IMMP2L: variants seen among roughly 807,000 people sequenced by gnomAD.
IMMP2L encodes inner mitochondrial membrane peptidase subunit 2.
IMMP2L carries 18 observed loss-of-function variants against 19.3 expected under a neutral mutation model. The ratio of observed to expected loss-of-function variants is 0.93; its 90% CI spans 0.64 to 1.38. The LOEUF is 1.38. Ranked by LOEUF, IMMP2L falls within the 40% of genes most tolerant of loss-of-function variation. The pLI is 0.00. For synonymous variants in IMMP2L, 76 were observed against 73.0 expected, an observed-to-expected ratio of 1.04 and a Z score of -0.21; for missense variants, 233 against 218.2, an observed-to-expected ratio of 1.07 and a Z score of -0.43.
At chr7:111,025,143 T>G (rs1344717338) in intron 3 of IMMP2L, among the ~76,000 whole-genome samples, 1 of 152,142 alleles carries the variant, frequency 6.6e-6, no homozygotes. Flanking sequence ...ACTTCTTAGC[T>G]TCCAACACAG....
chr7:111,492,428 C>T lies in IMMP2L; in HGVS notation c.136-5087G>A, dbSNP rs1843188685. 5 of 980,884 alleles carry T rather than the reference C, an allele frequency of 5.1e-6. No homozygotes were observed. In the Admixed American group the frequency reaches 1.8e-4, roughly 36 times the overall value. 60.8% of individuals were successfully genotyped at this position (980,884 alleles called of 1,614,324 possible). On this transcript the variant is annotated intron_variant, in intron 2 of 5. Coordinates refer to ENST00000405709, the MANE Select transcript of IMMP2L (RefSeq NM_032549.4). ...CTTTGGATGCCTCATTATCAGACTT[C>T]CCCTCTGTCAAGAATGTTTTTTCCC...
intron 3 of IMMP2L, among the ~76,000 whole-genome samples, chr7:111,447,119 T>G (rs1212474212): frequency 4.7e-4 from 69 of 145,600 alleles, no homozygotes; most frequent in Admixed American, 2.7e-3. Context: ...TGGAACCAAG[T>G]TGGAAAACAC....
chr7:111,215,762 C>A (rs1308355960), intron 3 of IMMP2L, among the ~76,000 whole-genome samples: 1 of 152,084 alleles, frequency 6.6e-6, no homozygotes, highest in Non-Finnish European at 1.5e-5. Flanking sequence ...TACTTTCATT[C>A]TTTCTAATAT....
At chr7:111,373,792 C>A (rs1355977469) in intron 3 of IMMP2L, among the ~76,000 whole-genome samples, 1 of 151,924 alleles carries the variant, frequency 6.6e-6, no homozygotes, top group Admixed American at 6.6e-5. Context: ...ACTCATAAAT[C>A]CCACTCACTC....
chr7:110,766,643 A>T (rs543901138), intron 5 of IMMP2L, among the ~76,000 whole-genome samples: 1 of 151,112 alleles, frequency 6.6e-6, no homozygotes, highest in East Asian at 2.0e-4. Context: ...GGAAATTTTC[A>T]TGGTGGGAGT....
chr7:111,233,005 T>C (rs1039155627), intron 3 of IMMP2L, among the ~76,000 whole-genome samples: 2 of 152,102 alleles, frequency 1.3e-5, no homozygotes, highest in Non-Finnish European at 2.9e-5. Flanking sequence ...CAATTTCTGC[T>C]TTGCCAGGCT....
At chr7:111,088,353 A>G (rs1752417798) in intron 3 of IMMP2L, among the ~76,000 whole-genome samples, 1 of 152,182 alleles carries the variant, frequency 6.6e-6, no homozygotes, top group African/African-American at 2.4e-5. Flanking sequence ...CCCTGTAGAC[A>G]TTTCCTACAA....
intron 4 of IMMP2L, among the ~76,000 whole-genome samples, chr7:110,890,544 A>G (rs977568280): frequency 1.3e-5 from 2 of 152,186 alleles, no homozygotes; most frequent in African/African-American, 4.8e-5. Context: ...GAAATATAAT[A>G]CTCCTAATAG....
At position 111,149,801 on chromosome 7, in the gene IMMP2L, T is replaced by C. The variant is rs74819079; in HGVS notation, c.240-186236A>G. Among the ~76,000 whole-genome samples the C allele has an allele frequency of 5.3e-5, 8 of 152,306 alleles. No individual in the cohort carries two copies. The East Asian group carries it at 1.2e-3, about 22-fold the overall frequency. ...ATAAAATAAAATGTTAAATAGCTAT[T>C]TGAGTCATCTACAATGATGTATATG... On this transcript the variant is annotated intron_variant, in intron 3 of 5. Coordinates refer to ENST00000405709, the MANE Select transcript of IMMP2L (RefSeq NM_032549.4).
rs150863756 is a variant in IMMP2L, at chr7:111,005,863, A to C, written c.240-42298T>G. ...TGAAGATTGCTCTTCATAATCAATC[A>C]TTCTTTCTAGCTTCAGAATGCATGG... is the stretch of plus-strand genomic sequence containing the variant. On this transcript the variant is annotated intron_variant, in intron 3 of 5. Transcript: ENST00000405709. 2.7e-3 allele frequency among the ~76,000 whole-genome samples: 407 copies of C among 152,310 alleles called. 1 individual carries two copies. The highest frequency in any genetic ancestry group is 9.3e-3 in the African/African-American group (387 of 41,566).
chr7:111,385,436 T>C (rs912112007), intron 3 of IMMP2L, among the ~76,000 whole-genome samples: 1 of 152,158 alleles, frequency 6.6e-6, no homozygotes, highest in African/African-American at 2.4e-5. Flanking sequence ...CAGAAAATCC[T>C]GTACAAGACC....
chr7:110,875,550 A>G (rs1808980409), intron 5 of IMMP2L, among the ~76,000 whole-genome samples: 1 of 152,164 alleles, frequency 6.6e-6, no homozygotes, highest in Non-Finnish European at 1.5e-5. Flanking sequence ...TTTTTGTGAA[A>G]TGAAACAATT....
chr7:110,817,550 T>C (rs890664835), intron 5 of IMMP2L, among the ~76,000 whole-genome samples: 7 of 152,028 alleles, frequency 4.6e-5, no homozygotes, highest in Non-Finnish European at 7.4e-5. Flanking sequence ...AGGTAATTTA[T>C]AGATTCCATG....
intron 5 of IMMP2L, among the ~76,000 whole-genome samples, chr7:110,811,724 AT>A (rs1176581525): frequency 7.9e-5 from 12 of 152,064 alleles, no homozygotes; most frequent in African/African-American, 2.9e-4. Context: ...GAGTATTATC[AT>A]GGATATGTGC....
chr7:111,148,045 A>G (rs542058720), intron 3 of IMMP2L, among the ~76,000 whole-genome samples: 1 of 152,132 alleles, frequency 6.6e-6, no homozygotes, highest in East Asian at 1.9e-4. Flanking sequence ...TCTATGCTAA[A>G]CCCTCTACAC....
At chr7:110,696,714 C>G (rs985300612) in intron 5 of IMMP2L, among the ~76,000 whole-genome samples, 1 of 152,150 alleles carries the variant, frequency 6.6e-6, no homozygotes, top group African/African-American at 2.4e-5. Context: ...GCGTGAGCCA[C>G]TGCACCCAGG....
chr7:111,123,142 G>C lies in IMMP2L; in HGVS notation c.240-159577C>G, dbSNP rs752690483. 23 of 1,613,788 alleles carry C rather than the reference G, an allele frequency of 1.4e-5. No homozygotes were observed. Among genetic ancestry groups the C allele is most frequent in the Non-Finnish European group, 3.4e-6 (4 of 1,179,976 alleles). On this transcript the variant is annotated intron_variant, in intron 3 of 5. Transcript: ENST00000405709. The surrounding 1 kb of genome is among the most constrained non-coding windows in gnomAD (Gnocchi z 6.4). Reference sequence around the variant, plus strand: ...GCCTCAGCTCCTTTCTGTGTACCTAGAGGAAAACAAACTTACTGAACTGCC... The same window carrying C: ...GCCTCAGCTCCTTTCTGTGTACCTACAGGAAAACAAACTTACTGAACTGCC...
chr7:111,036,294 A>T (rs1791347362), intron 3 of IMMP2L, among the ~76,000 whole-genome samples: 1 of 152,148 alleles, frequency 6.6e-6, no homozygotes, highest in Admixed American at 6.5e-5. Context: ...TGTGAATAAA[A>T]TTCTGGTCCC....
At chr7:111,521,194 C>G in intron 2 of IMMP2L, 119 bp downstream of exon 2, 2 of 1,064,876 alleles carry the variant, frequency 1.9e-6, no homozygotes, top group Non-Finnish European at 2.7e-6. Flanking sequence ...AATTTCATTT[C>G]AATGCCTTTT....
Sources: allele counts gnomAD v4.1 joint callset (sites outside exome capture counted in the v4.1 genomes callset), GRCh38; gene constraint gnomAD v4.1.1; non-coding constraint Gnocchi (gnomAD v3.1); transcripts MANE v1.5; gene names NCBI Gene and HGNC (gene_info 2026-07-23, HGNC 2026-07-21).